Variants in DCDC2 observed in about 807,000 individuals in gnomAD.
The protein encoded by DCDC2 is doublecortin domain-containing protein 2.
In DCDC2, 40 loss-of-function variants were observed where a neutral mutation model predicts 50.2. The observed-to-expected ratio is 0.80, with a 90% confidence interval of 0.62 to 1.04. The LOEUF is 1.04. Ranked by LOEUF, DCDC2 falls within the 50% of genes least tolerant of loss-of-function variation. DCDC2 has a pLI of 0.00. For missense variants in DCDC2, 570 were observed against 581.9 expected (o/e 0.98, Z 0.21); for synonymous variants, 234 against 210.6 (o/e 1.11, Z -0.96).
chr6:24,351,904 G>A (rs1305863773), intron 2 of DCDC2, among the ~76,000 whole-genome samples: 1 of 152,154 alleles, frequency 6.6e-6, no homozygotes, highest in Non-Finnish European at 1.5e-5. Flanking sequence ...AGGAGTTCAA[G>A]ACCAGCCTGA....
At chr6:24,212,142 C>A (rs546777573) in intron 7 of DCDC2, among the ~76,000 whole-genome samples, 1 of 152,120 alleles carries the variant, frequency 6.6e-6, no homozygotes, top group Non-Finnish European at 1.5e-5. Flanking sequence ...ACGCTCCTTA[C>A]GAGAGTCTAA....
intron 7 of DCDC2, among the ~76,000 whole-genome samples, chr6:24,227,108 G>A (rs774918348): frequency 2.0e-5 from 3 of 152,136 alleles, no homozygotes; most frequent in African/African-American, 4.8e-5. Context: ...AGCAGCAGAC[G>A]GGAGTATGAC....
At chr6:24,358,179 A>T (rs1260668984), upstream of DCDC2, 1 of 441,974 alleles carries the variant, frequency 2.3e-6, no homozygotes. Flanking sequence ...CTTACATCAT[A>T]TCTGTGCTAC....
chr6:24,230,235 G>A (rs2113782372), intron 7 of DCDC2, among the ~76,000 whole-genome samples: 1 of 152,282 alleles, frequency 6.6e-6, no homozygotes, highest in Non-Finnish European at 1.5e-5. Flanking sequence ...TGGGAAGGAG[G>A]CGGCCAATGG....
At chr6:24,185,696 C>CAT (rs2113746081) in intron 8 of DCDC2, among the ~76,000 whole-genome samples, 1 of 57,270 alleles carries the variant, frequency 1.7e-5, no homozygotes. Context: ...CATACACACA[C>CAT]ACACACACAC....
intron 8 of DCDC2, among the ~76,000 whole-genome samples, chr6:24,201,579 C>CACA (rs989638854): frequency 3.9e-5 from 6 of 152,080 alleles, no homozygotes; most frequent in African/African-American, 1.4e-4. Flanking sequence ...ATCCTAACAT[C>CACA]ACAATTAAAA....
chr6:24,381,484 TC>T, the DCDC2 span, among the ~76,000 whole-genome samples: 1 of 152,214 alleles, frequency 6.6e-6, no homozygotes, highest in Admixed American at 6.5e-5. Flanking sequence ...GATTTCTGCC[TC>T]AGCGGCAGGC....
chr6:24,254,822 T>C (rs973772522), intron 7 of DCDC2, among the ~76,000 whole-genome samples: 3 of 105,634 alleles, frequency 2.8e-5, no homozygotes, highest in East Asian at 3.8e-4. Context: ...ATCAATGTAA[T>C]TCATACTATA....
intron 7 of DCDC2, among the ~76,000 whole-genome samples, chr6:24,255,880 A>C (rs1476378000): frequency 6.6e-6 from 1 of 152,104 alleles, no homozygotes; most frequent in Non-Finnish European, 1.5e-5. Context: ...GAAATATGCA[A>C]ATCATGTGGC....
chr6:24,229,416 C>T (rs1034958985), intron 7 of DCDC2, among the ~76,000 whole-genome samples: 1 of 152,156 alleles, frequency 6.6e-6, no homozygotes, highest in Admixed American at 6.5e-5. Context: ...ATTGGACCCA[C>T]CACAGTAATT....
In DCDC2 at chr6:24,302,092, CT is replaced by C. The variant is rs199924443; in HGVS notation, c.349-49del. Reference sequence around the variant, plus strand: ...ATATAAACCACTAAGCTTATATTAGCTTTTTTTTTCCTATGAGGAAAATCTA... The same window carrying C: ...ATATAAACCACTAAGCTTATATTAGCTTTTTTTTCCTATGAGGAAAATCTA... On this transcript the variant is annotated intron_variant, in intron 2 of 9. Transcript: ENST00000378454. 349 of 1,497,140 alleles carry C rather than the reference CT, an allele frequency of 2.3e-4. No individual in the cohort carries two copies. In the African/African-American group the frequency reaches 2.6e-3, roughly 11 times the overall value. The allele number at this position is 1,497,140 out of a possible 1,614,324, so 92.7% of individuals were successfully genotyped here. A position where few individuals can be genotyped will look rare whatever the true frequency, so the allele number is the denominator to read the frequency against.
At chr6:24,267,738 A>C (rs912327849) in intron 7 of DCDC2, among the ~76,000 whole-genome samples, 1 of 152,184 alleles carries the variant, frequency 6.6e-6, no homozygotes, top group African/African-American at 2.4e-5. Flanking sequence ...CCAAGAGAAC[A>C]ACCTTTGCAG....
At chr6:24,267,397 C>T (rs1389031556) in intron 7 of DCDC2, among the ~76,000 whole-genome samples, 1 of 152,082 alleles carries the variant, frequency 6.6e-6, no homozygotes, top group Non-Finnish European at 1.5e-5. Flanking sequence ...ATGCCTGTAT[C>T]GAAATATCTC....
chr6:24,225,460 G>A (rs60387283), intron 7 of DCDC2, among the ~76,000 whole-genome samples: 14,064 of 151,964 alleles, frequency 0.093, 814 homozygotes, highest in East Asian at 0.17. Context: ...CATACTGAAC[G>A]TAGATATGAA....
intron 2 of DCDC2, among the ~76,000 whole-genome samples, chr6:24,348,335 A>T (rs921467957): frequency 7.9e-5 from 12 of 152,202 alleles, no homozygotes; most frequent in Admixed American, 7.9e-4. Flanking sequence ...AGAGAAGTTT[A>T]TCCAATAAAG....
At chr6:24,383,117 G>A in the DCDC2 span, among the ~76,000 whole-genome samples, 3 of 152,202 alleles carry the variant, frequency 2.0e-5, no homozygotes, top group Non-Finnish European at 4.4e-5. Flanking sequence ...ACCTGAGGTC[G>A]GGAGTTGGAG....
chr6:24,214,639 T>C (rs1314884257), intron 7 of DCDC2, among the ~76,000 whole-genome samples: 3 of 152,202 alleles, frequency 2.0e-5, no homozygotes, highest in Non-Finnish European at 2.9e-5. Context: ...TAATTTTGCA[T>C]CCTTATAAAA....
Position 24,256,859 on chromosome 6 carries a change from C to T in DCDC2, c.922+21190G>A, listed in dbSNP as rs1762907279. ...CATCAACTCAGTTTGCTTTTAATAG[C>T]TTCCATTTTTTACTGGCATCTTCCT... is the stretch of plus-strand genomic sequence containing the variant. On this transcript the variant is annotated intron_variant, in intron 7 of 9. Coordinates refer to ENST00000378454, the MANE Select transcript of DCDC2 (RefSeq NM_016356.5). 2.0e-5 allele frequency among the ~76,000 whole-genome samples: 3 copies of T among 152,104 alleles called. No homozygotes were observed. In the South Asian group the frequency reaches 6.2e-4, roughly 32 times the overall value.
At chr6:24,219,152 G>A (rs1770464) in intron 7 of DCDC2, among the ~76,000 whole-genome samples, 145,694 of 152,318 alleles carry the variant, frequency 0.96, 69,765 homozygotes, top group East Asian at 1. Context: ...ACAAGAAAAC[G>A]CAGATGTTGG....
Sources: allele counts gnomAD v4.1 joint callset (sites outside exome capture counted in the v4.1 genomes callset), GRCh38; gene constraint gnomAD v4.1.1; transcripts MANE v1.5; gene names NCBI Gene and HGNC (gene_info 2026-07-23, HGNC 2026-07-21).